MYO7B: variants seen among roughly 807,000 people sequenced by gnomAD.
MYO7B encodes unconventional myosin-VIIb.
Under a neutral mutation model 259.7 loss-of-function variants are expected in MYO7B, and 212 were observed. The ratio of observed to expected loss-of-function variants is 0.82; its 90% CI spans 0.73 to 0.91. MYO7B has a LOEUF of 0.91. Among genes scored for constraint, MYO7B ranks in the 40% least tolerant of loss-of-function variants. The pLI, the probability that MYO7B is intolerant of heterozygous loss-of-function variation, is 0.00. For synonymous variants in MYO7B, 1,197 were observed against 1,166.4 expected (o/e 1.03, Z -0.54); for missense variants, 2,732 against 2,813.5 (o/e 0.97, Z 0.66).
rs577119036 is a variant in MYO7B at position 127,617,748 on chromosome 2, C to T, written c.3399-2592C>T. 2.1e-3 allele frequency among the ~76,000 whole-genome samples: 315 copies of T among 151,208 alleles called. 3 individuals carry two copies. The highest frequency in any genetic ancestry group is 6.8e-3 in the African/African-American group (281 of 41,196). ...CGATCTCCTGACCTCATGATCCACC[C>T]GCCTCGGCCTCCCAAAGTGCTGGGA... On this transcript the variant is annotated intron_variant, in intron 26 of 47. Coordinates refer to ENST00000409816, the MANE Select transcript of MYO7B (RefSeq NM_001393586.1).
In MYO7B at chr2:127,559,377, G is replaced by A. The variant is rs138036319; in HGVS notation, c.-23-323G>A. 9.2e-5 allele frequency among the ~76,000 whole-genome samples: 14 copies of A among 152,308 alleles called. No individual in the cohort carries two copies. Among genetic ancestry groups the A allele is most frequent in the African/African-American group, 2.2e-4 (9 of 41,542 alleles). ...CTGAGCACTTCCCAAGATGTGTGAC[G>A]GTGACTGGTTTTCATGGATATCTGA... is the stretch of plus-strand genomic sequence containing the variant. On this transcript the variant is annotated intron_variant, in intron 1 of 47. Coordinates refer to ENST00000409816, the MANE Select transcript of MYO7B (RefSeq NM_001393586.1). The surrounding 1 kb of genome is among the most constrained non-coding windows in gnomAD (Gnocchi z 4.1).
At chr2:127,561,132 C>T (rs1678069319) in intron 2 of MYO7B, among the ~76,000 whole-genome samples, 1 of 152,180 alleles carries the variant, frequency 6.6e-6, no homozygotes, top group South Asian at 2.1e-4. Flanking sequence ...CGGGATGCAT[C>T]AACGCCAAAT....
intron 30 of MYO7B, 126 bp downstream of exon 30, chr2:127,624,446 T>A (rs1327934848): frequency 1.2e-6 from 1 of 820,308 alleles, no homozygotes; most frequent in Admixed American, 2.7e-5. Flanking sequence ...GTCACAAGGG[T>A]GTAGGTCCCT....
chr2:127,634,608 A>G lies in MYO7B; in HGVS notation c.5638A>G (p.Lys1880Glu). 1.2e-6 allele frequency: 2 copies of G among 1,612,342 alleles called. No homozygotes were observed. Among genetic ancestry groups the G allele is most frequent in the Non-Finnish European group, 1.7e-6 (2 of 1,179,260 alleles). ...IKISDKVISQ[K>E]EGDFFFDSLR... Reference sequence around the variant, plus strand: ...TCCCCTTCCCCAGGTCATCAGCCAGAAGGAGGGAGACTTCTTCTTTGATTC... The same window carrying G: ...TCCCCTTCCCCAGGTCATCAGCCAGGAGGAGGGAGACTTCTTCTTTGATTC... The change falls in exon 42 of 48, where the codon AAG becomes GAG. Residue 1880 changes from lysine to glutamate, a missense_variant. Lys to Glu is a moderately conservative substitution (Grantham distance 56). Coordinates refer to ENST00000409816, the MANE Select transcript of MYO7B (RefSeq NM_001393586.1).
chr2:127,554,086 T>C (rs1037678594), intron 1 of MYO7B, among the ~76,000 whole-genome samples: 2 of 152,228 alleles, frequency 1.3e-5, no homozygotes, highest in African/African-American at 4.8e-5. Flanking sequence ...TTTATTTATT[T>C]ATTTTGAGAC....
intron 5 of MYO7B, among the ~76,000 whole-genome samples, chr2:127,569,172 T>C (rs1433694910): frequency 7.6e-6 from 1 of 132,208 alleles, no homozygotes; most frequent in Non-Finnish European, 1.5e-5. Context: ...CATGCCACTG[T>C]ACTCCAGCCT....
At chr2:127,618,073 C>T (rs1020536306) in intron 26 of MYO7B, among the ~76,000 whole-genome samples, 6 of 152,082 alleles carry the variant, frequency 3.9e-5, no homozygotes, top group African/African-American at 1.4e-4. Context: ...CTATTTATCC[C>T]TACTTATCTC....
chr2:127,603,228 A>T (rs1558828499), intron 19 of MYO7B, among the ~76,000 whole-genome samples: 1 of 152,192 alleles, frequency 6.6e-6, no homozygotes, highest in African/African-American at 2.4e-5. Flanking sequence ...CTCCTGAATC[A>T]TGAATGTTCT....
Position 127,559,082 on chromosome 2 carries a change from T to G in MYO7B, c.-23-618T>G, listed in dbSNP as rs1234298162. Among the ~76,000 whole-genome samples, 1 of 152,214 alleles carries G rather than the reference T, an allele frequency of 6.6e-6. No homozygotes were observed. Among genetic ancestry groups the G allele is most frequent in the Admixed American group, 6.5e-5 (1 of 15,284 alleles). ...TCAGTCAGGGTAACTCGGGGTTTCC[T>G]CCTTTAAATGGGACAAGTGGGCTCC... On this transcript the variant is annotated intron_variant, in intron 1 of 47. Transcript: ENST00000409816. The surrounding 1 kb of genome is among the most constrained non-coding windows in gnomAD (Gnocchi z 4.1).
At chr2:127,635,022 G>T in intron 42 of MYO7B, 98 bp from the exon 43 acceptor site, 1 of 949,866 alleles carries the variant, frequency 1.1e-6, no homozygotes, top group Non-Finnish European at 1.6e-6. Context: ...GGGCTTTCGA[G>T]GCAGGGAGGT....
chr2:127,561,389 G>T (rs1448724409), intron 2 of MYO7B, among the ~76,000 whole-genome samples: 1 of 151,914 alleles, frequency 6.6e-6, no homozygotes, highest in Non-Finnish European at 1.5e-5. Flanking sequence ...CTCCTGAGTA[G>T]CTGGGACTAC....
At chr2:127,538,337 A>G (rs1692871481) in intron 1 of MYO7B, among the ~76,000 whole-genome samples, 1 of 152,128 alleles carries the variant, frequency 6.6e-6, no homozygotes, top group Admixed American at 6.5e-5. Context: ...ACTGTCCAAA[A>G]CAGTAGCCAC....
chr2:127,613,469 G>A lies in MYO7B; in HGVS notation c.3398+866G>A, dbSNP rs1680462912. Among the ~76,000 whole-genome samples, 1 of 152,104 alleles carries A rather than the reference G, an allele frequency of 6.6e-6. No individual in the cohort carries two copies. Among genetic ancestry groups the A allele is most frequent in the African/African-American group, 2.4e-5 (1 of 41,404 alleles). On this transcript the variant is annotated intron_variant, in intron 26 of 47. Transcript: ENST00000409816. The surrounding 1 kb of genome is among the most constrained non-coding windows in gnomAD (Gnocchi z 4.3). ...GATTTCCTATTTGTTCATTCACTATGAGCATTGTTTCCTTTATATCCTTGA... is the reference window on the plus strand; with the variant it reads ...GATTTCCTATTTGTTCATTCACTATAAGCATTGTTTCCTTTATATCCTTGA...
At chr2:127,550,127 TG>T (rs1412045616) in intron 1 of MYO7B, among the ~76,000 whole-genome samples, 1 of 152,142 alleles carries the variant, frequency 6.6e-6, no homozygotes, top group Non-Finnish European at 1.5e-5. Context: ...TTGGACCACA[TG>T]GCCGCTTGGG....
At chr2:127,574,094 G>A (rs746212086) in intron 7 of MYO7B, 32 bp downstream of exon 7, 15 of 1,612,542 alleles carry the variant, frequency 9.3e-6, no homozygotes, top group Non-Finnish European at 1.3e-5. Flanking sequence ...GTCGGGAGTT[G>A]AGGGAATGGG....
At chr2:127,625,611 G>A in intron 31 of MYO7B, 76 bp downstream of exon 31, 1 of 1,394,194 alleles carries the variant, frequency 7.2e-7, no homozygotes, top group Non-Finnish European at 9.4e-7. Flanking sequence ...GTATACAGAG[G>A]AGATGGATTC....
At chr2:127,551,545 G>C (rs1693443734) in intron 1 of MYO7B, among the ~76,000 whole-genome samples, 1 of 152,212 alleles carries the variant, frequency 6.6e-6, no homozygotes, top group African/African-American at 2.4e-5. Flanking sequence ...AAATCACTAA[G>C]TCCACACTCG....
rs770044195 is a variant in MYO7B, at chr2:127,627,023, G to A, written c.4264G>A (p.Val1422Met). Reference protein sequence around the residue: ...QVTPLAVREQVVDAARLQWPL... With the variant: ...QVTPLAVREQMVDAARLQWPL... The stretch of plus-strand genomic sequence containing the variant: ...CACACCACTGGCCGTGCGAGAGCAG[G>A]TGGTGGACGCCGCCCGCCTGCAGTG... The change falls in exon 32 of 48, where the codon GTG (valine) becomes ATG (methionine). Residue 1422 changes from valine to methionine, a missense_variant. Coordinates refer to ENST00000409816, the MANE Select transcript of MYO7B (RefSeq NM_001393586.1). The surrounding 1 kb of genome is among the most constrained non-coding windows in gnomAD (Gnocchi z 5.6). 1.2e-6 allele frequency: 2 copies of A among 1,611,356 alleles called. No individual in the cohort carries two copies. Among genetic ancestry groups the A allele is most frequent in the Admixed American group, 3.3e-5 (2 of 59,826 alleles).
In MYO7B at chr2:127,637,710, A is replaced by AAAC. The variant is rs1264347342; in HGVS notation, c.*294_*296dup. ...CCCACCCCACCAGAATGTTCAATAAAAACTCCTGGAGCAGGAGAAGTGTGT... is the reference window on the plus strand; with the variant it reads ...CCCACCCCACCAGAATGTTCAATAAAAACAACTCCTGGAGCAGGAGAAGTGTGT... On this transcript the variant is annotated 3_prime_UTR_variant, in exon 48 of 48. Coordinates refer to ENST00000409816, the MANE Select transcript of MYO7B (RefSeq NM_001393586.1). The AAAC allele has an allele frequency of 3.5e-5, 12 of 338,898 alleles. No individual in the cohort carries two copies. The highest frequency in any genetic ancestry group is 6.4e-5 in the Non-Finnish European group (12 of 186,152). 21.0% of individuals were successfully genotyped at this position (338,898 alleles called of 1,614,324 possible).
Sources: gnomAD v4.1 joint callset for allele counts (sites outside exome capture counted in the v4.1 genomes callset) on GRCh38, gnomAD v4.1.1 for gene constraint, Gnocchi (gnomAD v3.1) non-coding constraint, MANE v1.5 for transcripts, NCBI Gene and HGNC (gene_info 2026-07-23, HGNC 2026-07-21) for gene names.